The following PRDX3 variants were observed in gnomAD, a reference collection of about 807,000 sequenced individuals.
PRDX3 encodes peroxiredoxin 3, also known as thioredoxin-dependent peroxide reductase, mitochondrial.
PRDX3 carries 20 observed loss-of-function variants against 30.4 expected under a neutral mutation model. The observed-to-expected ratio is 0.66, with a 90% CI of 0.46 to 0.96. The LOEUF is 0.96. PRDX3 is among the 40% of genes least tolerant of loss of function. The pLI is 0.00. For synonymous variants in PRDX3, 124 were observed against 117.8 expected, an observed-to-expected ratio of 1.05 and a Z score of -0.34; for missense variants, 322 against 318.3, an observed-to-expected ratio of 1.01 and a Z score of -0.09.
At chr10:119,174,401 A>G (rs748308079) in intron 3 of PRDX3, 50 bp downstream of exon 3, 70 of 1,552,224 alleles carry the variant, frequency 4.5e-5, no homozygotes, top group Non-Finnish European at 6.1e-5. Flanking sequence ...GGAACAGGAT[A>G]TGTGCTTGCT....
chr10:119,174,008 T>C (rs1847971492), intron 3 of PRDX3, 136 bp from the exon 4 acceptor site: 1 of 768,604 alleles, frequency 1.3e-6, no homozygotes, highest in Non-Finnish European at 1.9e-6. Context: ...GACTATAGTG[T>C]TGTGCTGGCA....
intron 3 of PRDX3, 129 bp from the exon 4 acceptor site, chr10:119,174,001 T>A: frequency 2.4e-6 from 2 of 838,338 alleles, no homozygotes; most frequent in Non-Finnish European, 1.8e-6. Flanking sequence ...CTCACTGGAC[T>A]ATAGTGTTGT....
At chr10:119,178,483 G>A (rs886634231) in intron 1 of PRDX3, among the ~76,000 whole-genome samples, 1 of 152,264 alleles carries the variant, frequency 6.6e-6, no homozygotes, top group African/African-American at 2.4e-5. Context: ...GCAGAATCAG[G>A]GCCAGGACCT....
In PRDX3 at chr10:119,167,973, C is replaced by T. The variant is rs1161970262; in HGVS notation, c.*507G>A. 6.5e-6 allele frequency: 1 copy of T among 153,650 alleles called. No homozygotes were observed. The highest frequency in any genetic ancestry group is 6.5e-5 in the Admixed American group (1 of 15,296). The allele number at this position is 153,650 out of a possible 1,614,324, so 9.5% of individuals were successfully genotyped here. ...CACTCTGCCACTTTTTAAAATAATA[C>T]GATTCACATTTGCTTCAATCACATA... On this transcript the variant is annotated 3_prime_UTR_variant, in exon 7 of 7. Coordinates refer to ENST00000298510, the MANE Select transcript of PRDX3 (RefSeq NM_006793.5).
At chr10:119,175,815 G>A (rs1848013898) in intron 2 of PRDX3, among the ~76,000 whole-genome samples, 2 of 147,044 alleles carry the variant, frequency 1.4e-5, no homozygotes, top group African/African-American at 5.0e-5. Context: ...GTTTCGCTCT[G>A]TCACCTAGGC....
chr10:119,178,197 G>T (rs1430529462), intron 1 of PRDX3, among the ~76,000 whole-genome samples: 1 of 152,118 alleles, frequency 6.6e-6, no homozygotes, highest in Non-Finnish European at 1.5e-5. Flanking sequence ...AATGACTCAG[G>T]AGAACGAAAG....
In PRDX3 at chr10:119,173,718, T is replaced by C; in HGVS notation, c.447+19A>G. On this transcript the variant is annotated intron_variant, in intron 4 of 6. Coordinates refer to ENST00000298510, the MANE Select transcript of PRDX3 (RefSeq NM_006793.5). ...CAAGCAAGTTTATAAGAGCAAAAGCTAGGGGTACAATGCCATACCTTTCTT... is the reference window on the plus strand; with the variant it reads ...CAAGCAAGTTTATAAGAGCAAAAGCCAGGGGTACAATGCCATACCTTTCTT... 6.2e-7 allele frequency: 1 copy of C among 1,608,428 alleles called. No individual in the cohort carries two copies.
At chr10:119,169,010 T>A (rs1021823185) in intron 6 of PRDX3, among the ~76,000 whole-genome samples, 167 bp downstream of exon 6, 3 of 151,296 alleles carry the variant, frequency 2.0e-5, no homozygotes, top group Non-Finnish European at 4.4e-5. Context: ...TGATAATTGG[T>A]TCCTGGCTCC....
At chr10:119,175,910 C>T (rs1848015802) in intron 2 of PRDX3, among the ~76,000 whole-genome samples, 1 of 151,894 alleles carries the variant, frequency 6.6e-6, no homozygotes, top group Non-Finnish European at 1.5e-5. Context: ...TCCCAAGTAG[C>T]TGGGATTCCA....
rs1461719926 is a variant in PRDX3, at chr10:119,176,913, A to G, written c.169+108T>C. 4 of 1,394,688 alleles carry G rather than the reference A, an allele frequency of 2.9e-6. No individual in the cohort carries two copies. In the African/African-American group the frequency reaches 5.7e-5, roughly 20 times the overall value. 86.4% of individuals were successfully genotyped at this position (1,394,688 alleles called of 1,614,324 possible). ...ACGGGGGCAGTGCTGTGTTCCTGAAAGCTCCCAGGTGACTCTAACGTTTGG... is the reference window on the plus strand; with the variant it reads ...ACGGGGGCAGTGCTGTGTTCCTGAAGGCTCCCAGGTGACTCTAACGTTTGG... On this transcript the variant is annotated intron_variant, in intron 2 of 6. Transcript: ENST00000298510.
intron 2 of PRDX3, among the ~76,000 whole-genome samples, chr10:119,175,985 G>C (rs1848017838): frequency 6.6e-6 from 1 of 151,026 alleles, no homozygotes; most frequent in African/African-American, 2.4e-5. Context: ...GATTTCACCA[G>C]GTTGGCCAGG....
chr10:119,170,395 CAA>C (rs911719063), intron 5 of PRDX3: 19 of 152,146 alleles, frequency 1.2e-4, no homozygotes, highest in African/African-American at 4.1e-4. Context: ...CATAGACTCC[CAA>C]AAGTCTTTAT....
At chr10:119,178,518 G>A (rs1159443564) in intron 1 of PRDX3, among the ~76,000 whole-genome samples, 1 of 152,246 alleles carries the variant, frequency 6.6e-6, no homozygotes, top group Admixed American at 6.5e-5. Context: ...CCTGGGGACC[G>A]GGGACGCCGA....
chr10:119,168,115 C>G lies in PRDX3; in HGVS notation c.*365G>C. The G allele has an allele frequency of 5.5e-6, 1 of 182,948 alleles. No individual in the cohort carries two copies. The highest frequency in any genetic ancestry group is 6.2e-5 in the Admixed American group (1 of 16,014). The allele number at this position is 182,948 out of a possible 1,614,324, so 11.3% of individuals were successfully genotyped here. The stretch of plus-strand genomic sequence containing the variant: ...AGATGAAAATTTCAGGACCGTTGAT[C>G]AGAAGCTTTCAATGTGTGTTGCTCT... On this transcript the variant is annotated 3_prime_UTR_variant, in exon 7 of 7. Coordinates refer to ENST00000298510, the MANE Select transcript of PRDX3 (RefSeq NM_006793.5).
chr10:119,177,023 G>A lies in PRDX3; in HGVS notation c.167C>T (p.Thr56Ile), dbSNP rs769595510. 2 of 1,614,054 alleles carry A rather than the reference G, an allele frequency of 1.2e-6. No individual in the cohort carries two copies. Among genetic ancestry groups the A allele is most frequent in the South Asian group, 2.2e-5 (2 of 91,078 alleles). Reference sequence around the variant, plus strand: ...CCAAGACATGACATAACACTTACTGGTGCTGAATAATTTTGCTTGACTGGA... The same window carrying A: ...CCAAGACATGACATAACACTTACTGATGCTGAATAATTTTGCTTGACTGGA... ...SGSSQAKLFSTSSSCHAPAVT... is the reference protein window; with the variant it reads ...SGSSQAKLFSISSSCHAPAVT... Residue 56 changes from threonine (T) to isoleucine (I), a missense_variant and splice_region_variant, in exon 2 of 7, where the codon ACC (threonine) becomes ATC (isoleucine). Physicochemically the swap from Thr to Ile is moderately conservative, Grantham distance 89 (BLOSUM62 -1). Coordinates refer to ENST00000298510, the MANE Select transcript of PRDX3 (RefSeq NM_006793.5).
chr10:119,174,374 A>T (rs1847978330), intron 3 of PRDX3, 77 bp downstream of exon 3: 2 of 1,466,918 alleles, frequency 1.4e-6, no homozygotes, highest in Non-Finnish European at 1.8e-6. Context: ...GTATCTAGGG[A>T]TAGACAATTC....
At chr10:119,172,274 T>C (rs1847923208) in intron 5 of PRDX3, 108 bp downstream of exon 5, 1 of 958,308 alleles carries the variant, frequency 1.0e-6, no homozygotes, top group African/African-American at 1.6e-5. Context: ...CCAGCCAGGA[T>C]CTTCTGGTTT....
At chr10:119,171,719 T>A (rs1385985884) in intron 5 of PRDX3, among the ~76,000 whole-genome samples, 1 of 152,232 alleles carries the variant, frequency 6.6e-6, no homozygotes, top group Non-Finnish European at 1.5e-5. Flanking sequence ...CACCTCATTT[T>A]AGTTATGGGA....
At chr10:119,178,418 T>C (rs1848096277) in intron 1 of PRDX3, among the ~76,000 whole-genome samples, 1 of 152,176 alleles carries the variant, frequency 6.6e-6, no homozygotes, top group Non-Finnish European at 1.5e-5. Context: ...CTTTCCATCT[T>C]AAGTACACAG....
Sources: allele counts gnomAD v4.1 joint callset (sites outside exome capture counted in the v4.1 genomes callset), GRCh38; gene constraint gnomAD v4.1.1; transcripts MANE v1.5; gene names NCBI Gene and HGNC (gene_info 2026-07-23, HGNC 2026-07-21).